The following KLHL29 variants were observed in gnomAD, a reference collection of about 807,000 sequenced individuals.
The protein encoded by KLHL29 is kelch like family member 29.
In KLHL29, 21 loss-of-function variants were observed where a neutral mutation model predicts 80.4. The ratio of observed to expected loss-of-function variants is 0.26; its 90% CI spans 0.19 to 0.38. KLHL29 has a LOEUF of 0.38. Ranked by LOEUF, KLHL29 falls within the 10% of genes least tolerant of loss-of-function variation. The pLI, the probability that KLHL29 is intolerant of heterozygous loss-of-function variation, is 1.00. For missense variants in KLHL29, 867 were observed against 1,223.9 expected, an observed-to-expected ratio of 0.71 and a Z score of 4.35; for synonymous variants, 511 against 526.8, an observed-to-expected ratio of 0.97 and a Z score of 0.41.
At chr2:23,633,025 C>T (rs540215344) in intron 3 of KLHL29, among the ~76,000 whole-genome samples, 4 of 152,330 alleles carry the variant, frequency 2.6e-5, no homozygotes, top group East Asian at 1.9e-4. Flanking sequence ...GGAGGGCCAG[C>T]GCCCGTGAGC....
At chr2:23,497,883 C>T (rs903551280) in intron 2 of KLHL29, among the ~76,000 whole-genome samples, 3 of 152,090 alleles carry the variant, frequency 2.0e-5, no homozygotes, top group Non-Finnish European at 4.4e-5. Flanking sequence ...TACAGGAGCA[C>T]CGGGTAGAAA....
At chr2:23,592,084 C>G (rs1668276677) in intron 3 of KLHL29, among the ~76,000 whole-genome samples, 3 of 152,224 alleles carry the variant, frequency 2.0e-5, no homozygotes, top group Admixed American at 2.0e-4. Flanking sequence ...TCTTGAGCAC[C>G]TACTGGAAGC....
chr2:23,504,809 G>A (rs377414492), intron 2 of KLHL29, among the ~76,000 whole-genome samples: 38 of 152,362 alleles, frequency 2.5e-4, no homozygotes, highest in African/African-American at 9.1e-4. Context: ...AGTCTGCTCA[G>A]GGGCCTTGTG....
chr2:23,424,279 C>T (rs999139984), intron 1 of KLHL29, among the ~76,000 whole-genome samples: 4 of 152,134 alleles, frequency 2.6e-5, no homozygotes, highest in Non-Finnish European at 4.4e-5. Context: ...TGAGTGTGCA[C>T]GTGTGCATGT....
intron 11 of KLHL29, among the ~76,000 whole-genome samples, chr2:23,699,575 G>C (rs1305042387): frequency 2.6e-5 from 4 of 152,152 alleles, no homozygotes; most frequent in Admixed American, 2.6e-4. Context: ...GCCTCCTGTT[G>C]TCCTTTCTCC....
At chr2:23,465,150 G>T (rs76510819) in intron 1 of KLHL29, among the ~76,000 whole-genome samples, 2 of 152,158 alleles carry the variant, frequency 1.3e-5, no homozygotes, top group East Asian at 1.9e-4. Context: ...TCGAGGTCTC[G>T]TACTGTGGCA....
chr2:23,683,419 TG>T (rs1671147303), intron 5 of KLHL29, among the ~76,000 whole-genome samples: 1 of 152,204 alleles, frequency 6.6e-6, no homozygotes, highest in South Asian at 2.1e-4. Flanking sequence ...AAGGCTGTTG[TG>T]GGGAGCAGTG....
chr2:23,706,348 A>G (rs1041267791), intron 13 of KLHL29, 133 bp from the exon 14 acceptor site: 1 of 627,380 alleles, frequency 1.6e-6, no homozygotes, highest in Non-Finnish European at 2.4e-6. Flanking sequence ...GAGGGCAAAG[A>G]AGGGCAGCAA....
chr2:23,626,922 C>T (rs753084105), intron 3 of KLHL29, among the ~76,000 whole-genome samples: 3 of 152,152 alleles, frequency 2.0e-5, no homozygotes, highest in African/African-American at 4.8e-5. Context: ...TCTCCAAGGG[C>T]GGGCCAGGCC....
intron 2 of KLHL29, among the ~76,000 whole-genome samples, chr2:23,533,122 G>A (rs565267586): frequency 4.6e-5 from 7 of 152,296 alleles, no homozygotes; most frequent in South Asian, 2.1e-4. Context: ...AGCACGTAAA[G>A]TGGTTTGGAG....
In KLHL29 at chr2:23,441,409, G is replaced by T. The variant is rs1313622853; in HGVS notation, c.-153-34151G>T. On this transcript the variant is annotated intron_variant, in intron 1 of 13. Transcript: ENST00000486442. ...ATGAGTTAATGGGTGCAGCACACCA[G>T]CATGGCACATGTATACATATGTAAC... Among the ~76,000 whole-genome samples, 5 of 151,908 alleles carry T rather than the reference G, an allele frequency of 3.3e-5. No individual in the cohort carries two copies. In the East Asian group the frequency reaches 7.8e-4, roughly 24 times the overall value.
At chr2:23,392,935 G>C (rs763962257) in intron 1 of KLHL29, among the ~76,000 whole-genome samples, 1 of 152,156 alleles carries the variant, frequency 6.6e-6, no homozygotes. Context: ...GATACCTTTT[G>C]GATTTGCGCA....
chr2:23,613,434 A>G (rs989850512), intron 3 of KLHL29, among the ~76,000 whole-genome samples: 1 of 152,222 alleles, frequency 6.6e-6, no homozygotes, highest in Admixed American at 6.5e-5. Context: ...AATTGACTTT[A>G]AGACAAGAAA....
chr2:23,573,178 A>T (rs1230151276), intron 3 of KLHL29, among the ~76,000 whole-genome samples: 1 of 152,194 alleles, frequency 6.6e-6, no homozygotes, highest in Non-Finnish European at 1.5e-5. Context: ...CTCCTGGAGC[A>T]TTTGCAGTCA....
chr2:23,684,482 G>C lies in KLHL29; in HGVS notation c.1024G>C (p.Val342Leu). ...TGTTGTTGAAGGCAGAGAGTTTGAA[G>C]TCCACCAAAATGTTCTAGCTTCCTG... ...KIVVEGREFE[V>L]HQNVLASCSL... Residue 342 changes from valine to leucine, a missense_variant, in exon 6 of 14, where the codon GTC becomes CTC. Physicochemically the swap from Val to Leu is conservative, Grantham distance 32. This residue lies in a region of KLHL29 where 443 missense variants were observed against 767.0 expected (regional missense o/e 0.58). Transcript: ENST00000486442. This position sits in a 1 kb window ranked among gnomAD's most constrained non-coding sequence, Gnocchi z 4.4. 6.4e-7 allele frequency: 1 copy of C among 1,551,252 alleles called. No homozygotes were observed. The highest frequency in any genetic ancestry group is 1.2e-5 in the South Asian group (1 of 83,924).
rs1672373357 is a variant in KLHL29 at position 23,701,634 on chromosome 2, GCCCAGAAGAT to G, written c.2106-1550_2106-1541del. Among the ~76,000 whole-genome samples, 3 of 151,232 alleles carry G rather than the reference GCCCAGAAGAT, an allele frequency of 2.0e-5. No homozygotes were observed. In the Admixed American group the frequency reaches 2.0e-4, roughly 10 times the overall value. On this transcript the variant is annotated intron_variant, in intron 11 of 13. Coordinates refer to ENST00000486442, the MANE Select transcript of KLHL29 (RefSeq NM_052920.2). ...AGGCTGAGGTGGGAGAATTGTTTAAGCCCAGAAGATCAAGGCTGCAGTGAGCCATAATCAT... is the reference window on the plus strand; with the variant it reads ...AGGCTGAGGTGGGAGAATTGTTTAAGCAAGGCTGCAGTGAGCCATAATCAT...
chr2:23,490,624 G>A (rs1665070444), intron 2 of KLHL29, among the ~76,000 whole-genome samples: 1 of 152,146 alleles, frequency 6.6e-6, no homozygotes, highest in African/African-American at 2.4e-5. Context: ...TACATTGATT[G>A]GATTTAAATA....
At chr2:23,657,387 C>T (rs1572471921) in intron 5 of KLHL29, among the ~76,000 whole-genome samples, 1 of 152,066 alleles carries the variant, frequency 6.6e-6, no homozygotes, top group African/African-American at 2.4e-5. Context: ...TTTATTTGGG[C>T]ACATAAGAAA....
At chr2:23,528,171 T>C (rs1293884492) in intron 2 of KLHL29, among the ~76,000 whole-genome samples, 2 of 152,238 alleles carry the variant, frequency 1.3e-5, no homozygotes, top group African/African-American at 4.8e-5. Flanking sequence ...AGGAAACATT[T>C]GTCTGTTGAG....
Sources: allele counts gnomAD v4.1 joint callset (sites outside exome capture counted in the v4.1 genomes callset), GRCh38; gene constraint gnomAD v4.1.1; regional missense constraint gnomAD v4.1.1; non-coding constraint Gnocchi (gnomAD v3.1); transcripts MANE v1.5; gene names NCBI Gene and HGNC (gene_info 2026-07-23, HGNC 2026-07-21).